PLCB1: variants seen among roughly 807,000 people sequenced by gnomAD.
PLCB1 encodes the protein phospholipase C beta 1, also known as 1-phosphatidylinositol 4,5-bisphosphate phosphodiesterase beta-1.
A neutral mutation model predicts 161.8 loss-of-function variants in PLCB1; 46 were observed. The observed-to-expected ratio is 0.28, with a 90% CI of 0.22 to 0.36. The LOEUF (loss-of-function observed/expected upper bound fraction) is 0.36. PLCB1 is among the 10% of genes least tolerant of loss of function. The pLI, the probability that PLCB1 is intolerant of heterozygous loss-of-function variation, is 1.00. For missense variants in PLCB1, 1,016 were observed against 1,472.5 expected (o/e 0.69, Z 5.07); for synonymous variants, 517 against 503.7 (o/e 1.03, Z -0.35).
chr20:8,750,896 A>C (rs773719279), intron 23 of PLCB1: 16 of 1,345,096 alleles, frequency 1.2e-5, no homozygotes, highest in Non-Finnish European at 1.3e-5. Context: ...TGCCCATCCA[A>C]AGCAAGATGC....
At chr20:8,785,417 C>T (rs749304468) in intron 27 of PLCB1, among the ~76,000 whole-genome samples, 40 of 152,108 alleles carry the variant, frequency 2.6e-4, no homozygotes, top group Non-Finnish European at 4.6e-4. Context: ...ATCTAGAAAG[C>T]CAGGTCATCA....
At chr20:8,700,822 C>G (rs886181255) in intron 11 of PLCB1, among the ~76,000 whole-genome samples, 3 of 152,106 alleles carry the variant, frequency 2.0e-5, no homozygotes, top group African/African-American at 7.2e-5. Flanking sequence ...AGCTATTCCT[C>G]CTGCTAATGC....
intron 27 of PLCB1, among the ~76,000 whole-genome samples, chr20:8,787,031 G>A (rs1389496105): frequency 6.6e-6 from 1 of 152,128 alleles, no homozygotes; most frequent in East Asian, 1.9e-4. Context: ...AACTAGGCCT[G>A]ACATATAGAA....
chr20:8,543,442 C>A (rs77897451), intron 3 of PLCB1, among the ~76,000 whole-genome samples: 9 of 151,948 alleles, frequency 5.9e-5, no homozygotes. Flanking sequence ...AGATCAGTGG[C>A]GGCCTGGCAA....
At chr20:8,165,650 C>T (rs1403251686) in intron 2 of PLCB1, among the ~76,000 whole-genome samples, 1 of 152,158 alleles carries the variant, frequency 6.6e-6, no homozygotes. Flanking sequence ...ACAGTCACTG[C>T]TCAATCGATG....
intron 31 of PLCB1, among the ~76,000 whole-genome samples, chr20:8,848,791 C>A: frequency 6.6e-6 from 1 of 152,210 alleles, no homozygotes; most frequent in South Asian, 2.1e-4. Context: ...CAGGTTCCCC[C>A]CAGTGATTCT....
chr20:8,790,890 G>A lies in PLCB1; in HGVS notation c.3423+629G>A, dbSNP rs1983725420. On this transcript the variant is annotated intron_variant, in intron 31 of 31. Transcript: ENST00000338037. ...GTTACCAAATGGCATCTCAGTTTTA[G>A]AACATTCCTTCCATTTTGATTCATC... is the stretch of plus-strand genomic sequence containing the variant. 3.3e-5 allele frequency among the ~76,000 whole-genome samples: 5 copies of A among 152,234 alleles called. 1 individual carries two copies. The South Asian group carries it at 1.0e-3, about 32-fold the overall frequency.
At chr20:8,667,901 G>A (rs1989852353) in intron 9 of PLCB1, among the ~76,000 whole-genome samples, 1 of 152,116 alleles carries the variant, frequency 6.6e-6, no homozygotes, top group Non-Finnish European at 1.5e-5. Flanking sequence ...GCAGAACACA[G>A]CATTGACAAT....
chr20:8,743,320 T>G (rs1337428586), intron 23 of PLCB1, among the ~76,000 whole-genome samples: 5 of 151,512 alleles, frequency 3.3e-5, no homozygotes, highest in African/African-American at 7.3e-5. Flanking sequence ...ATCATATGGG[T>G]TTTTTTTTCC....
intron 3 of PLCB1, among the ~76,000 whole-genome samples, chr20:8,616,043 C>T (rs1988033181): frequency 6.6e-6 from 1 of 152,180 alleles, no homozygotes; most frequent in African/African-American, 2.4e-5. Context: ...ACTGACACCT[C>T]CATTTCTTCA....
At chr20:8,366,050 A>G (rs1478933109) in intron 2 of PLCB1, among the ~76,000 whole-genome samples, 2 of 152,188 alleles carry the variant, frequency 1.3e-5, no homozygotes, top group Non-Finnish European at 2.9e-5. Context: ...GTAAACAACC[A>G]AGACAATTCA....
chr20:8,303,702 T>C (rs547649328), intron 2 of PLCB1, among the ~76,000 whole-genome samples: 17 of 152,332 alleles, frequency 1.1e-4, no homozygotes, highest in African/African-American at 3.8e-4. Flanking sequence ...TCCAGGTGGC[T>C]GAAATCCACC....
rs1983604867 is a variant in PLCB1 at position 8,788,648 on chromosome 20, A to G, written c.3204A>G (p.Leu1068=). ...GTGACTTCAGAGAAAAGAAAGAATT[A>G]AAGAAGAAAATGGATAAAAAGAGGC... ...KEICEKEKKE[L]KKKMDKKRQE... Residue 1068 remains leucine (L), a synonymous_variant, in exon 29 of 32, where the codon TTA becomes TTG. Transcript: ENST00000338037. 1 of 1,609,252 alleles carries G rather than the reference A, an allele frequency of 6.2e-7. No homozygotes were observed. Among genetic ancestry groups the G allele is most frequent in the Non-Finnish European group, 8.5e-7 (1 of 1,177,940 alleles).
At position 8,829,301 on chromosome 20, in the gene PLCB1, T is replaced by C. The variant is rs563441854; in HGVS notation, c.3423+39040T>C. Among the ~76,000 whole-genome samples the C allele has an allele frequency of 1.6e-4, 25 of 152,278 alleles. No individual in the cohort carries two copies. In the South Asian group the frequency reaches 5.0e-3, roughly 30 times the overall value. On this transcript the variant is annotated intron_variant, in intron 31 of 31. Coordinates refer to ENST00000338037, the MANE Select transcript of PLCB1 (RefSeq NM_015192.4). ...CTGTCCAGGTTTTCTCAGGCATGGCTCAGGTTCAGGCACAAATGCAAGTTC... is the reference window on the plus strand; with the variant it reads ...CTGTCCAGGTTTTCTCAGGCATGGCCCAGGTTCAGGCACAAATGCAAGTTC...
chr20:8,434,376 A>G (rs1449686930), intron 3 of PLCB1, among the ~76,000 whole-genome samples: 2 of 152,182 alleles, frequency 1.3e-5, no homozygotes, highest in Non-Finnish European at 2.9e-5. Flanking sequence ...AGAGGACAAA[A>G]TCATAAAATA....
intron 4 of PLCB1, among the ~76,000 whole-genome samples, chr20:8,636,687 G>C (rs1437769971): frequency 6.6e-6 from 1 of 152,176 alleles, no homozygotes; most frequent in Non-Finnish European, 1.5e-5. Flanking sequence ...TGTCTTTTCT[G>C]CATTTGCTAG....
intron 31 of PLCB1, among the ~76,000 whole-genome samples, chr20:8,829,226 G>T (rs972924133): frequency 6.6e-6 from 1 of 152,092 alleles, no homozygotes; most frequent in African/African-American, 2.4e-5. Context: ...AAGCAGAACT[G>T]TCTTCAAAGG....
intron 27 of PLCB1, among the ~76,000 whole-genome samples, chr20:8,777,910 G>C (rs537733033): frequency 6.6e-6 from 1 of 152,130 alleles, no homozygotes; most frequent in African/African-American, 2.4e-5. Flanking sequence ...CACAGAAAGA[G>C]TGCTTGTGCA....
chr20:8,651,455 G>T (rs1426364136), intron 7 of PLCB1: 1 of 728,480 alleles, frequency 1.4e-6, no homozygotes, highest in Middle Eastern at 2.3e-4. Context: ...GCAGAGCTGT[G>T]GAAAGGCTCC....
Sources: allele counts gnomAD v4.1 joint callset (sites outside exome capture counted in the v4.1 genomes callset), GRCh38; gene constraint gnomAD v4.1.1; transcripts MANE v1.5; gene names NCBI Gene and HGNC (gene_info 2026-07-23, HGNC 2026-07-21).